Variants in VWA3A observed in about 807,000 individuals in gnomAD.
VWA3A encodes von Willebrand factor A domain-containing protein 3A.
VWA3A carries 134 observed loss-of-function variants against 160.4 expected under a neutral mutation model. The observed-to-expected ratio is 0.84, with a 90% CI of 0.73 to 0.96. VWA3A has a LOEUF of 0.96. Ranked by LOEUF, VWA3A falls within the 40% of genes least tolerant of loss-of-function variation. The probability of loss-of-function intolerance (pLI) is 0.00; values close to 1 mark genes in which losing one functional copy is unlikely to be tolerated. For missense variants in VWA3A, 1,310 were observed against 1,447.9 expected, an observed-to-expected ratio of 0.90 and a Z score of 1.55; for synonymous variants, 476 against 543.4, an observed-to-expected ratio of 0.88 and a Z score of 1.72.
Position 22,148,239 on chromosome 16 carries a change from T to G in VWA3A, c.2917T>G (p.Tyr973Asp). Residue 973 changes from tyrosine (Y) to aspartate (D), a missense_variant, in exon 28 of 34, where the codon TAC becomes GAC. Physicochemically the swap from Tyr to Asp is radical, Grantham distance 160. Transcript: ENST00000389398. The stretch of plus-strand genomic sequence containing the variant: ...GGACACGTCAGGGTCCATGGGCCCC[T>G]ACCTGCAGCAGGTGAAGACAGAGCT... The part of the protein sequence containing the change: ...LLDTSGSMGP[Y>D]LQQVKTELVL... 6.3e-7 allele frequency: 1 copy of G among 1,598,910 alleles called. No individual in the cohort carries two copies. The highest frequency in any genetic ancestry group is 8.5e-7 in the Non-Finnish European group (1 of 1,173,062).
chr16:22,146,267 G>A lies in VWA3A; in HGVS notation c.2762G>A (p.Arg921Lys). ...GVVRHIQWTP[R>K]EMEVYIRHLE... ...GTGAGACACATCCAGTGGACGCCCA[G>A]GGAGATGGAGGTGTACATCAGGCAC... The change falls in exon 27 of 34, where the codon AGG becomes AAG. Residue 921 changes from arginine to lysine, a missense_variant. Arg to Lys is a conservative substitution (Grantham distance 26, BLOSUM62 2). Transcript: ENST00000389398. 1 of 1,613,676 alleles carries A rather than the reference G, an allele frequency of 6.2e-7. No homozygotes were observed. The highest frequency in any genetic ancestry group is 8.5e-7 in the Non-Finnish European group (1 of 1,179,734).
intron 21 of VWA3A, 69 bp downstream of exon 21, chr16:22,134,507 C>T: frequency 7.4e-7 from 1 of 1,353,466 alleles, no homozygotes; most frequent in Non-Finnish European, 1.0e-6. Context: ...ACCATAACTG[C>T]CACAAACTGG....
At chr16:22,132,746 T>A in intron 19 of VWA3A, 154 bp from the exon 20 acceptor site, 1 of 706,950 alleles carries the variant, frequency 1.4e-6, no homozygotes, top group Non-Finnish European at 2.3e-6. Context: ...TGAGAGAAAC[T>A]GCAACCCAGC....
chr16:22,148,112 G>A (rs1003725410), intron 27 of VWA3A, 50 bp from the exon 28 acceptor site: 19 of 1,532,428 alleles, frequency 1.2e-5, no homozygotes, highest in Non-Finnish European at 1.7e-5. Context: ...CACCCAGGAG[G>A]AGGGACCCCT....
chr16:22,116,600 C>A (rs888102708), intron 9 of VWA3A, among the ~76,000 whole-genome samples, 159 bp from the exon 10 acceptor site: 3 of 152,228 alleles, frequency 2.0e-5, no homozygotes, highest in African/African-American at 4.8e-5. Flanking sequence ...GGCAGACAGG[C>A]CTGCAGTCCA....
In VWA3A at chr16:22,117,195, A is replaced by C; in HGVS notation, c.990+19A>C. 1.3e-6 allele frequency: 2 copies of C among 1,568,656 alleles called. No individual in the cohort carries two copies. The highest frequency in any genetic ancestry group is 1.7e-6 in the Non-Finnish European group (2 of 1,156,392). ...GATGGAGGTAAGCCCTTCTGTCAACACATGGCCCCTCTTCTTCTCTCCTTG... is the reference window on the plus strand; with the variant it reads ...GATGGAGGTAAGCCCTTCTGTCAACCCATGGCCCCTCTTCTTCTCTCCTTG... On this transcript the variant is annotated intron_variant, in intron 11 of 33. Transcript: ENST00000389398.
In VWA3A at chr16:22,096,942, A is replaced by T; in HGVS notation, c.98A>T (p.His33Leu). The change falls in exon 2 of 34, where the codon CAT (histidine) becomes CTT (leucine). Residue 33 changes from histidine (H) to leucine (L), a missense_variant. Physicochemically the swap from His to Leu is moderately conservative, Grantham distance 99. Transcript: ENST00000389398. Reference sequence around the variant, plus strand: ...CAAGAAAATATGTTTCTGGAAAACCATTGGTAAGCATAGTTCTCTGATTTT... The same window carrying T: ...CAAGAAAATATGTTTCTGGAAAACCTTTGGTAAGCATAGTTCTCTGATTTT... Reference protein sequence around the residue: ...HGQENMFLENHCIRRNTGRDS... With the variant: ...HGQENMFLENLCIRRNTGRDS... 3 of 1,492,594 alleles carry T rather than the reference A, an allele frequency of 2.0e-6. No individual in the cohort carries two copies. Among genetic ancestry groups the T allele is most frequent in the Non-Finnish European group, 2.7e-6 (3 of 1,097,960 alleles). The allele number at this position is 1,492,594 out of a possible 1,614,324, so 92.5% of individuals were successfully genotyped here.
chr16:22,097,449 G>T, intron 2 of VWA3A, 123 bp from the exon 3 acceptor site: 1 of 1,270,020 alleles, frequency 7.9e-7, no homozygotes, highest in Non-Finnish European at 1.1e-6. Flanking sequence ...ATCCTTCTCA[G>T]TTACTGCACA....
chr16:22,155,670 C>A lies in VWA3A; in HGVS notation c.3503+6C>A. On this transcript the variant is annotated splice_donor_region_variant and intron_variant, in intron 32 of 33. Transcript: ENST00000389398. ...TGGCAGGCCCAATCCTTCAGGTATG[C>A]CCTTCACGCAGCCTCTCCGGCCTGC... The A allele has an allele frequency of 6.2e-7, 1 of 1,613,620 alleles. No individual in the cohort carries two copies. The highest frequency in any genetic ancestry group is 8.5e-7 in the Non-Finnish European group (1 of 1,179,628).
chr16:22,147,513 T>C (rs2046274784), intron 27 of VWA3A: 4 of 700,328 alleles, frequency 5.7e-6, no homozygotes, highest in Middle Eastern at 2.5e-4. Flanking sequence ...GAGTCCTATA[T>C]AGAGATCCTA....
At chr16:22,102,603 T>G (rs765511056) in intron 5 of VWA3A, among the ~76,000 whole-genome samples, 1 of 152,168 alleles carries the variant, frequency 6.6e-6, no homozygotes, top group Non-Finnish European at 1.5e-5. Flanking sequence ...AAGCCAGGCA[T>G]GCAATAAGGC....
chr16:22,137,891 C>A (rs1308030366), intron 21 of VWA3A, among the ~76,000 whole-genome samples: 1 of 152,126 alleles, frequency 6.6e-6, no homozygotes, highest in African/African-American at 2.4e-5. Flanking sequence ...TCTAGAGGAA[C>A]AACGGGGATG....
chr16:22,147,861 T>C (rs2046281669), intron 27 of VWA3A, among the ~76,000 whole-genome samples: 1 of 152,170 alleles, frequency 6.6e-6, no homozygotes, highest in African/African-American at 2.4e-5. Context: ...CACTTAACTT[T>C]AAGGATAAGG....
chr16:22,147,096 G>T (rs141101357), intron 27 of VWA3A, among the ~76,000 whole-genome samples: 10 of 152,228 alleles, frequency 6.6e-5, no homozygotes, highest in African/African-American at 2.4e-4. Flanking sequence ...TGCAGTCATG[G>T]CTTACTGCAG....
At position 22,100,465 on chromosome 16, in the gene VWA3A, A is replaced by G; in HGVS notation, c.400A>G (p.Ile134Val). The change falls in exon 5 of 34, where the codon ATC (isoleucine) becomes GTC (valine). Residue 134 changes from isoleucine (I) to valine (V), a missense_variant. Physicochemically the swap from Ile to Val is conservative, Grantham distance 29. Coordinates refer to ENST00000389398, the MANE Select transcript of VWA3A (RefSeq NM_173615.5). ...GAAAATATGTTTCTCCACCCAGATC[A>G]TCCGCCATTTTGAGTCAAAGCTTTC... Reference protein sequence around the residue: ...VQKICFSTQIIRHFESKLSDT... With the variant: ...VQKICFSTQIVRHFESKLSDT... The G allele has an allele frequency of 6.4e-7, 1 of 1,551,630 alleles. No individual in the cohort carries two copies. The highest frequency in any genetic ancestry group is 8.7e-7 in the Non-Finnish European group (1 of 1,146,970).
chr16:22,149,599 T>G (rs941652274), intron 28 of VWA3A, among the ~76,000 whole-genome samples, 188 bp from the exon 29 acceptor site: 1 of 152,104 alleles, frequency 6.6e-6, no homozygotes, highest in African/African-American at 2.4e-5. Flanking sequence ...GTGTGTACCC[T>G]CTCATTCTCA....
At chr16:22,108,540 A>G (rs972218355) in intron 6 of VWA3A, among the ~76,000 whole-genome samples, 2 of 152,174 alleles carry the variant, frequency 1.3e-5, no homozygotes, top group African/African-American at 4.8e-5. Context: ...AATTGGAGGC[A>G]AAATCACTTG....
In VWA3A at chr16:22,126,281, T is replaced by C. The variant is rs113560142; in HGVS notation, c.1636T>C (p.Cys546Arg). ...LLEEQLSNKD[C>R]FNLIAFGSTI... Reference sequence around the variant, plus strand: ...GGAGGAGCAGTTATCCAACAAGGACTGTTTCAACCTCATCGCGTATGTGTC... The same window carrying C: ...GGAGGAGCAGTTATCCAACAAGGACCGTTTCAACCTCATCGCGTATGTGTC... Residue 546 changes from cysteine to arginine, a missense_variant, in exon 17 of 34, where the codon TGT becomes CGT. Coordinates refer to ENST00000389398, the MANE Select transcript of VWA3A (RefSeq NM_173615.5). The C allele has an allele frequency of 1.2e-4, 192 of 1,613,252 alleles. 1 individual carries two copies. The highest frequency in any genetic ancestry group is 1.5e-4 in the Non-Finnish European group (177 of 1,179,480).
In VWA3A at chr16:22,149,892, G is replaced by A. The variant is rs1194333086; in HGVS notation, c.3090G>A (p.Leu1030=). ...CHEAMQWVTH[L]QAQGSTSILQ... is the part of the protein sequence containing the mutation. ...AGGCTATGCAATGGGTGACCCACCT[G>A]CAAGCTCAGGGCAGCACCTCCATCT... The change falls in exon 29 of 34, where the codon CTG becomes CTA. Residue 1030 remains leucine (L), a synonymous_variant. Transcript: ENST00000389398. The A allele has an allele frequency of 1.2e-6, 2 of 1,612,084 alleles. No homozygotes were observed. Among genetic ancestry groups the A allele is most frequent in the Middle Eastern group, 3.4e-4 (2 of 5,902 alleles).
Sources: gnomAD v4.1 joint callset for allele counts (sites outside exome capture counted in the v4.1 genomes callset) on GRCh38, gnomAD v4.1.1 for gene constraint, MANE v1.5 for transcripts, NCBI Gene and HGNC (gene_info 2026-07-23, HGNC 2026-07-21) for gene names.